The following TTN variants were observed in gnomAD, a reference collection of about 807,000 sequenced individuals.
The protein encoded by TTN is titin.
TTN carries 1,525 observed loss-of-function variants against 3,223.0 expected under a neutral mutation model. The ratio of observed to expected loss-of-function variants is 0.47; its 90% CI spans 0.45 to 0.49. The LOEUF (loss-of-function observed/expected upper bound fraction) is 0.49. Ranked by LOEUF, TTN falls within the 20% of genes least tolerant of loss-of-function variation. The pLI, the probability that TTN is intolerant of heterozygous loss-of-function variation, is 0.00. For synonymous variants in TTN, 14,094 were observed against 15,161.0 expected (o/e 0.93, Z 5.17); for missense variants, 40,786 against 43,424.0 (o/e 0.94, Z 5.40).
Position 178,556,849 on chromosome 2 carries a change from A to G in TTN, c.88305T>C (p.Tyr29435=), listed in dbSNP as rs373516958. ...VVGPITCIDS[Y]GGPVIDLPLE... ...ATTCAAAGTGCTAAGCATGCTTACC[A>G]TAAGAATCGATGCAAGTAATGGGCC... The change falls in exon 330 of 363, where the codon TAT becomes TAC. Residue 29435 remains tyrosine, a splice_region_variant and synonymous_variant. Transcript: ENST00000589042. 2.5e-6 allele frequency: 4 copies of G among 1,613,352 alleles called. No individual in the cohort carries two copies. The highest frequency in any genetic ancestry group is 3.4e-6 in the Non-Finnish European group (4 of 1,179,772).
chr2:178,624,345 T>A, intron 242 of TTN, 120 bp downstream of exon 242: 1 of 1,270,494 alleles, frequency 7.9e-7, no homozygotes, highest in South Asian at 1.3e-5. Flanking sequence ...GTGTCAATAC[T>A]AGAAGTTGCC....
rs990637645 is a variant in TTN, at chr2:178,711,873, G to T, written c.27886+71C>A. The T allele has an allele frequency of 7.1e-5, 105 of 1,487,432 alleles. No homozygotes were observed. The African/African-American group carries it at 1.3e-3, about 19-fold the overall frequency. 92.1% of individuals were successfully genotyped at this position (1,487,432 alleles called of 1,614,324 possible). ...TTGGAAAGATTTTCCTAAAAAATAGGCCTCCCCAGACATTTTAAATCTTGT... is the reference window on the plus strand; with the variant it reads ...TTGGAAAGATTTTCCTAAAAAATAGTCCTCCCCAGACATTTTAAATCTTGT... On this transcript the variant is annotated intron_variant, in intron 96 of 362. Coordinates refer to ENST00000589042, the MANE Select transcript of TTN (RefSeq NM_001267550.2).
rs983942711 is a variant in TTN at position 178,640,832 on chromosome 2, C to A, written c.40634-202G>T. 3.3e-5 allele frequency among the ~76,000 whole-genome samples: 5 copies of A among 151,854 alleles called. No individual in the cohort carries two copies. The East Asian group carries it at 9.7e-4, about 29-fold the overall frequency. On this transcript the variant is annotated intron_variant, in intron 220 of 362. Coordinates refer to ENST00000589042, the MANE Select transcript of TTN (RefSeq NM_001267550.2). ...TTATTCCATCCACTTATCTTCCACT[C>A]CCCTTAGCTCTCTCCTTCTAAATCA...
Position 178,552,034 on chromosome 2 carries a change from A to G in TTN, c.90866T>C (p.Leu30289Pro), listed in dbSNP as rs1338109334. Residue 30289 changes from leucine (L) to proline (P), a missense_variant, in exon 335 of 363, where the codon CTA (leucine) becomes CCA (proline). Physicochemically the swap from Leu to Pro is moderately conservative, Grantham distance 98. Coordinates refer to ENST00000589042, the MANE Select transcript of TTN (RefSeq NM_001267550.2). Reference sequence around the variant, plus strand: ...AAACTGGTACTCAGCATCTTTGACTAGATTAGGAACTTTGAAAGTCGTTCT... The same window carrying G: ...AAACTGGTACTCAGCATCTTTGACTGGATTAGGAACTTTGAAAGTCGTTCT... ...VARTTFKVPNLVKDAEYQFRV... is the reference protein window; with the variant it reads ...VARTTFKVPNPVKDAEYQFRV... The G allele has an allele frequency of 6.2e-7, 1 of 1,613,548 alleles. No homozygotes were observed. Among genetic ancestry groups the G allele is most frequent in the Non-Finnish European group, 8.5e-7 (1 of 1,179,670 alleles).
rs186405108 is a variant in TTN at position 178,539,042 on chromosome 2, C to T, written c.98893G>A (p.Asp32965Asn). ...TMYTVTGLVP[D>N]AEYQFRIIAQ... ...ATGATGCGGAACTGATACTCAGCAT[C>T]GGGAACAAGCCCTGTGACAGTGTAC... Residue 32965 changes from aspartate (D) to asparagine (N), a missense_variant, in exon 353 of 363, where the codon GAT (aspartate) becomes AAT (asparagine). Physicochemically the swap from Asp to Asn is conservative, Grantham distance 23. Transcript: ENST00000589042. 54 of 1,613,758 alleles carry T rather than the reference C, an allele frequency of 3.3e-5. No homozygotes were observed. In the African/African-American group the frequency reaches 6.5e-4, roughly 20 times the overall value.
intron 90 of TTN, 28 bp downstream of exon 90, chr2:178,714,954 TAGTG>T: frequency 6.3e-7 from 1 of 1,576,340 alleles, no homozygotes; most frequent in Non-Finnish European, 8.6e-7. Context: ...AGAAGGGAAG[TAGTG>T]AGCAGAAGTG....
intron 173 of TTN, 91 bp downstream of exon 173, chr2:178,663,175 T>A (rs1560177541): frequency 2.8e-5 from 45 of 1,603,442 alleles, no homozygotes; most frequent in Non-Finnish European, 1.2e-5. Flanking sequence ...TAGAATTATA[T>A]CATCTTTATG....
At position 178,546,852 on chromosome 2, in the gene TTN, T is replaced by C. The variant is rs534055493; in HGVS notation, c.94576A>G (p.Ile31526Val). The C allele has an allele frequency of 1.9e-6, 3 of 1,603,132 alleles. No homozygotes were observed. In the East Asian group the frequency reaches 6.7e-5, roughly 36 times the overall value. ...TDVTRSTVSL[I>V]WSAPAYDGGS... ...CCATCATACGCTGGGGCAGACCAAA[T>C]CAGTGATACTGTTGATCTTGTGACA... The change falls in exon 341 of 363, where the codon ATT becomes GTT. Residue 31526 changes from isoleucine to valine, a missense_variant. Transcript: ENST00000589042.
rs1559275550 is a variant in TTN at position 178,559,397 on chromosome 2, C to T, written c.86735G>A (p.Gly28912Glu). 1 of 1,613,572 alleles carries T rather than the reference C, an allele frequency of 6.2e-7. No homozygotes were observed. Among genetic ancestry groups the T allele is most frequent in the African/African-American group, 1.3e-5 (1 of 74,906 alleles). Residue 28912 changes from glycine (G) to glutamate (E), a missense_variant, in exon 326 of 363, where the codon GGA becomes GAA. Coordinates refer to ENST00000589042, the MANE Select transcript of TTN (RefSeq NM_001267550.2). ...AGAGACTCTGAAGTAATAGATAGCTCCTTCTTGTAAATTGGTAACTTTGTA... is the reference window on the plus strand; with the variant it reads ...AGAGACTCTGAAGTAATAGATAGCTTCTTCTTGTAAATTGGTAACTTTGTA... ...LSYKVTNLQE[G>E]AIYYFRVSGE...
Position 178,672,114 on chromosome 2 carries a change from T to G in TTN, c.35084A>C (p.Glu11695Ala). 1.2e-6 allele frequency: 2 copies of G among 1,611,794 alleles called. No individual in the cohort carries two copies. Among genetic ancestry groups the G allele is most frequent in the Non-Finnish European group, 1.7e-6 (2 of 1,178,832 alleles). Reference protein sequence around the residue: ...HEVEEYFEEGEFHEVEEFIKL... With the variant: ...HEVEEYFEEGAFHEVEEFIKL... ...GATGAATTCTTCTACTTCATGAAACTCGCCTTCTTCAAAATATTCTTCAAC... is the reference window on the plus strand; with the variant it reads ...GATGAATTCTTCTACTTCATGAAACGCGCCTTCTTCAAAATATTCTTCAAC... The change falls in exon 155 of 363, where the codon GAG becomes GCG. Residue 11695 changes from glutamate (E) to alanine (A), a missense_variant. Coordinates refer to ENST00000589042, the MANE Select transcript of TTN (RefSeq NM_001267550.2).
Position 178,696,198 on chromosome 2 carries a change from C to T in TTN, c.30874G>A (p.Val10292Ile), listed in dbSNP as rs1191965423. 6.4e-7 allele frequency: 1 copy of T among 1,563,172 alleles called. No individual in the cohort carries two copies. The highest frequency in any genetic ancestry group is 8.7e-7 in the Non-Finnish European group (1 of 1,152,454). ...TACACAGCTTCTTTTTCTTTCTGAACCTCTTTCTTTCTGGTTATAGTCATT... is the reference window on the plus strand; with the variant it reads ...TACACAGCTTCTTTTTCTTTCTGAATCTCTTTCTTTCTGGTTATAGTCATT... Reference protein sequence around the residue: ...KIMTITRKKEVQKEKEAVYEK... With the variant: ...KIMTITRKKEIQKEKEAVYEK... Residue 10292 changes from valine to isoleucine, a missense_variant, in exon 114 of 363, where the codon GTT (valine) becomes ATT (isoleucine). Physicochemically the swap from Val to Ile is conservative, Grantham distance 29. Coordinates refer to ENST00000589042, the MANE Select transcript of TTN (RefSeq NM_001267550.2).
chr2:178,652,602 T>A (rs2063239237), intron 201 of TTN, 51 bp downstream of exon 201: 3 of 1,612,146 alleles, frequency 1.9e-6, no homozygotes, highest in Non-Finnish European at 2.5e-6. Flanking sequence ...AAAAATATTT[T>A]CAAGAGTAGA....
Position 178,602,598 on chromosome 2 carries a change from C to CA in TTN, c.54812-9dup. ...AAGGTGGCCCCGGTGGAACTAATAA[C>CA]AAAAGAAAAAAAAAAGCTTCATCAG... is the stretch of plus-strand genomic sequence containing the variant. On this transcript the variant is annotated splice_polypyrimidine_tract_variant and intron_variant, in intron 282 of 362. Coordinates refer to ENST00000589042, the MANE Select transcript of TTN (RefSeq NM_001267550.2). 1 of 1,450,384 alleles carries CA rather than the reference C, an allele frequency of 6.9e-7. No homozygotes were observed. Among genetic ancestry groups the CA allele is most frequent in the Non-Finnish European group, 9.1e-7 (1 of 1,102,760 alleles). 89.8% of individuals were successfully genotyped at this position (1,450,384 alleles called of 1,614,324 possible). A position where few individuals can be genotyped will look rare whatever the true frequency, so the allele number is the denominator to read the frequency against.
Position 178,672,138 on chromosome 2 carries a change from A to C in TTN, c.35060T>G (p.Val11687Gly). Reference sequence around the variant, plus strand: ...CTCGCCTTCTTCAAAATATTCTTCAACTTCATGGAACTCTTCTTCTTCCGG... The same window carrying C: ...CTCGCCTTCTTCAAAATATTCTTCACCTTCATGGAACTCTTCTTCTTCCGG... ...EIPEEEEFHE[V>G]EEYFEEGEFH... The change falls in exon 155 of 363, where the codon GTT becomes GGT. Residue 11687 changes from valine (V) to glycine (G), a missense_variant. Coordinates refer to ENST00000589042, the MANE Select transcript of TTN (RefSeq NM_001267550.2). 6.2e-7 allele frequency: 1 copy of C among 1,607,606 alleles called. No homozygotes were observed. Among genetic ancestry groups the C allele is most frequent in the Non-Finnish European group, 8.5e-7 (1 of 1,176,318 alleles).
rs1195725407 is a variant in TTN at position 178,553,815 on chromosome 2, G to A, written c.89198-8C>T. The stretch of plus-strand genomic sequence containing the variant: ...CAGGTGGACCTGGAGGATCTGGAAT[G>A]GCCATTCACAATAAAATAATTACAC... On this transcript the variant is annotated splice_polypyrimidine_tract_variant and splice_region_variant and intron_variant, in intron 333 of 362. Coordinates refer to ENST00000589042, the MANE Select transcript of TTN (RefSeq NM_001267550.2). 2.5e-6 allele frequency: 4 copies of A among 1,575,258 alleles called. No individual in the cohort carries two copies. The highest frequency in any genetic ancestry group is 3.4e-6 in the Non-Finnish European group (4 of 1,161,466).
chr2:178,799,996 A>G (rs2093980314), intron 4 of TTN, 86 bp from the exon 5 acceptor site: 1 of 1,455,174 alleles, frequency 6.9e-7, no homozygotes, highest in African/African-American at 1.4e-5. Context: ...TACAAAGTCA[A>G]AAAGATTTTC....
chr2:178,601,179 A>C lies in TTN; in HGVS notation c.55733-8T>G. ...TAGGAGGATCAGGAGGATCTGTAAA[A>C]ATAATTAAAGGAAGTATTAAGCGTT... On this transcript the variant is annotated splice_polypyrimidine_tract_variant and splice_region_variant and intron_variant, in intron 287 of 362. Transcript: ENST00000589042. 1 of 1,522,494 alleles carries C rather than the reference A, an allele frequency of 6.6e-7. No individual in the cohort carries two copies. Among genetic ancestry groups the C allele is most frequent in the Non-Finnish European group, 8.8e-7 (1 of 1,139,128 alleles). The allele number at this position is 1,522,494 out of a possible 1,614,324, so 94.3% of individuals were successfully genotyped here. A position where few individuals can be genotyped will look rare whatever the true frequency, so the allele number is the denominator to read the frequency against.
chr2:178,617,578 T>TAATC, intron 253 of TTN, 66 bp from the exon 254 acceptor site: 1 of 1,457,554 alleles, frequency 6.9e-7, no homozygotes, highest in Non-Finnish European at 9.2e-7. Context: ...AACAGTGTTG[T>TAATC]AATCAATTAT....
In TTN at chr2:178,711,950, C is replaced by T. The variant is rs368775401; in HGVS notation, c.27880G>A (p.Val9294Ile). ...TTAAAAATATTGCAATCACCTTGAA[C>T]GGTAAGGAAAGTTGATGCAGAAACT... ...GEVSASTFLT[V>I]QEQKLPPSFS... Residue 9294 changes from valine to isoleucine, a missense_variant, in exon 96 of 363, where the codon GTT becomes ATT. Transcript: ENST00000589042. 5.6e-6 allele frequency: 9 copies of T among 1,593,156 alleles called. No homozygotes were observed. The highest frequency in any genetic ancestry group is 2.2e-5 in the East Asian group (1 of 44,696).
Sources: allele counts gnomAD v4.1 joint callset (sites outside exome capture counted in the v4.1 genomes callset), GRCh38; gene constraint gnomAD v4.1.1; transcripts MANE v1.5; gene names NCBI Gene and HGNC (gene_info 2026-07-23, HGNC 2026-07-21).